XKRX: variants seen among roughly 807,000 people sequenced by gnomAD.
The protein encoded by XKRX is XK related X-linked, also known as XK-related protein 2.
XKRX carries 11 observed loss-of-function variants against 22.4 expected under a neutral mutation model. The observed-to-expected ratio is 0.49, with a 90% confidence interval of 0.31 to 0.81. The LOEUF is 0.81. XKRX is among the 40% of genes least tolerant of loss of function. The pLI is 0.05. For missense variants in XKRX, 320 were observed against 336.5 expected, an observed-to-expected ratio of 0.95 and a Z score of 0.38; for synonymous variants, 114 against 132.2, an observed-to-expected ratio of 0.86 and a Z score of 0.94.
chrX:100,887,288 A>C, the XKRX span, among the ~76,000 whole-genome samples: 1 of 110,838 alleles, frequency 9.0e-6, no homozygotes, highest in African/African-American at 3.3e-5. Context: ...CTAACTTTAC[A>C]CAGCACATTA....
At chrX:100,924,804 T>C (rs1253656019) in intron 1 of XKRX, among the ~76,000 whole-genome samples, 3 of 111,698 alleles carry the variant, frequency 2.7e-5, no homozygotes, top group African/African-American at 9.8e-5. Context: ...GAGAGGATAA[T>C]AATAACAGCA....
the XKRX span, among the ~76,000 whole-genome samples, chrX:100,941,303 T>C: frequency 8.9e-6 from 1 of 112,028 alleles, no homozygotes; most frequent in Non-Finnish European, 1.9e-5. Context: ...TCCTACCACT[T>C]TGGGAGGCCA....
At chrX:100,955,596 C>G in the XKRX span, among the ~76,000 whole-genome samples, 4 of 111,502 alleles carry the variant, frequency 3.6e-5, no homozygotes, top group East Asian at 8.5e-4. Context: ...TAGCTTGAAC[C>G]TGGGAGGCGG....
chrX:100,895,874 T>A, the XKRX span, among the ~76,000 whole-genome samples: 3 of 112,002 alleles, frequency 2.7e-5, no homozygotes, highest in African/African-American at 9.7e-5. Flanking sequence ...GTTTAACATG[T>A]TTCAGAACCT....
At chrX:100,958,462 C>T in the XKRX span, among the ~76,000 whole-genome samples, 2 of 111,714 alleles carry the variant, frequency 1.8e-5, no homozygotes, top group East Asian at 5.6e-4. Flanking sequence ...ATTTGCTATC[C>T]TTTTTTCTAA....
chrX:100,901,120 G>A, the XKRX span, among the ~76,000 whole-genome samples: 1 of 111,253 alleles, frequency 9.0e-6, no homozygotes, highest in Admixed American at 9.6e-5. Flanking sequence ...AGCTCCTTAA[G>A]TAACTCTGAT....
At chrX:100,941,719 TA>T in the XKRX span, among the ~76,000 whole-genome samples, 1 of 111,698 alleles carries the variant, frequency 9.0e-6, no homozygotes, top group Non-Finnish European at 1.9e-5. Flanking sequence ...CAGCTGCAGC[TA>T]CCTTCTTACA....
chrX:100,893,291 T>C, the XKRX span, among the ~76,000 whole-genome samples: 1 of 111,842 alleles, frequency 8.9e-6, no homozygotes, highest in Non-Finnish European at 1.9e-5. Flanking sequence ...TATTATATAC[T>C]TGAAAATTGC....
At chrX:100,919,980 T>A (rs1422679925) in intron 2 of XKRX, among the ~76,000 whole-genome samples, 1 of 111,602 alleles carries the variant, frequency 9.0e-6, no homozygotes, top group East Asian at 2.8e-4. Flanking sequence ...GAAACAACTT[T>A]TTTGTGAAAA....
the XKRX span, among the ~76,000 whole-genome samples, chrX:100,945,924 G>A: frequency 3.2e-4 from 35 of 109,849 alleles, no homozygotes; most frequent in Non-Finnish European, 5.9e-4. Context: ...GGTGGCTCAC[G>A]CCTGTAATCC....
chrX:100,900,644 T>TA, the XKRX span, among the ~76,000 whole-genome samples: 4 of 107,817 alleles, frequency 3.7e-5, no homozygotes, highest in African/African-American at 1.0e-4. Flanking sequence ...TCTGTAAAAT[T>TA]AAAAAAAAGA....
downstream of XKRX, among the ~76,000 whole-genome samples, chrX:100,913,090 C>T (rs780310682): frequency 1.8e-5 from 2 of 108,541 alleles, no homozygotes; most frequent in South Asian, 4.2e-4. Flanking sequence ...CCCAGCTACT[C>T]GGGAGGCTGA....
At chrX:100,934,997 CAGAG>C in the XKRX span, among the ~76,000 whole-genome samples, 1 of 109,680 alleles carries the variant, frequency 9.1e-6, no homozygotes, top group East Asian at 2.8e-4. Flanking sequence ...CAGAGAGAGA[CAGAG>C]AGAGAGAGAG....
chrX:100,947,352 G>A, the XKRX span, among the ~76,000 whole-genome samples: 2 of 112,110 alleles, frequency 1.8e-5, no homozygotes, highest in Admixed American at 1.9e-4. Context: ...ATGAACTCCC[G>A]TGGTGAGTAA....
At chrX:100,924,875 T>A (rs1311797947) in intron 1 of XKRX, among the ~76,000 whole-genome samples, 2 of 111,630 alleles carry the variant, frequency 1.8e-5, no homozygotes, top group Non-Finnish European at 3.8e-5. Context: ...CTCTCTAGCC[T>A]TTAGTTCCTG....
chrX:100,915,942 T>C (rs1375947880), intron 2 of XKRX, among the ~76,000 whole-genome samples: 6 of 110,752 alleles, frequency 5.4e-5, no homozygotes, highest in African/African-American at 2.0e-4. Flanking sequence ...AATAGAAGGA[T>C]TTTGATCAAA....
chrX:100,958,611 A>C, the XKRX span, among the ~76,000 whole-genome samples: 1 of 112,261 alleles, frequency 8.9e-6, no homozygotes, highest in Admixed American at 9.5e-5. Flanking sequence ...AGGGGAAGAT[A>C]GTCTGAATGG....
At chrX:100,949,422 G>A in the XKRX span, among the ~76,000 whole-genome samples, 5 of 104,288 alleles carry the variant, frequency 4.8e-5, no homozygotes, top group Non-Finnish European at 9.7e-5. Flanking sequence ...CAGGAGTAGA[G>A]TGGTGCAATC....
At chrX:100,900,477 T>C in the XKRX span, among the ~76,000 whole-genome samples, 2 of 110,507 alleles carry the variant, frequency 1.8e-5, no homozygotes, top group African/African-American at 6.6e-5. Flanking sequence ...AATGATCATA[T>C]CCATAATTTA....
Sources: gnomAD v4.1 joint callset for allele counts (sites outside exome capture counted in the v4.1 genomes callset) on GRCh38, gnomAD v4.1.1 for gene constraint, MANE v1.5 for transcripts, NCBI Gene and HGNC (gene_info 2026-07-23, HGNC 2026-07-21) for gene names.